Variants in CDK14 observed in about 807,000 individuals in gnomAD.
CDK14 encodes the protein cyclin-dependent kinase 14.
Under a neutral mutation model 60.7 loss-of-function variants are expected in CDK14, and 34 were observed. The ratio of observed to expected loss-of-function variants is 0.56; its 90% CI spans 0.43 to 0.75. CDK14 has a LOEUF of 0.75. CDK14 is among the 30% of genes least tolerant of loss of function. CDK14 has a pLI of 0.00. For synonymous variants in CDK14, 197 were observed against 203.7 expected (o/e 0.97, Z 0.28); for missense variants, 482 against 564.1 (o/e 0.85, Z 1.47).
intron 6 of CDK14, among the ~76,000 whole-genome samples, chr7:90,887,774 A>G (rs1437834335): frequency 1.3e-5 from 2 of 152,202 alleles, no homozygotes; most frequent in African/African-American, 4.8e-5. Flanking sequence ...CACTGGGTCA[A>G]ATTATATGAA....
intron 2 of CDK14, among the ~76,000 whole-genome samples, chr7:90,718,819 T>C (rs1802341713): frequency 2.0e-5 from 3 of 152,160 alleles, no homozygotes; most frequent in South Asian, 2.1e-4. Context: ...ATTTAAGTTA[T>C]AGATGAAGGC....
chr7:90,982,029 C>G (rs1795241397), intron 9 of CDK14, among the ~76,000 whole-genome samples: 2 of 152,162 alleles, frequency 1.3e-5, no homozygotes. Context: ...GCTGTCTGTC[C>G]ATACTATGGA....
chr7:90,957,658 C>A (rs948915239), intron 9 of CDK14, among the ~76,000 whole-genome samples: 3 of 152,042 alleles, frequency 2.0e-5, no homozygotes, highest in Non-Finnish European at 2.9e-5. Flanking sequence ...ATGTGAAGGA[C>A]CTCTTCAAGG....
chr7:90,959,370 A>G (rs1794530640), intron 9 of CDK14, among the ~76,000 whole-genome samples: 1 of 152,150 alleles, frequency 6.6e-6, no homozygotes, highest in Admixed American at 6.6e-5. Flanking sequence ...CTATCTTGTT[A>G]TTATCCTATA....
At chr7:90,805,012 T>C (rs1051125466) in intron 5 of CDK14, among the ~76,000 whole-genome samples, 2 of 152,114 alleles carry the variant, frequency 1.3e-5, no homozygotes, top group African/African-American at 2.4e-5. Context: ...GGTGAGGAAA[T>C]TGAGGCCTAG....
At chr7:91,000,599 C>T (rs1237176367) in intron 10 of CDK14, among the ~76,000 whole-genome samples, 2 of 152,228 alleles carry the variant, frequency 1.3e-5, no homozygotes, top group Non-Finnish European at 2.9e-5. Context: ...ATTCCCTCCA[C>T]ATAACCCAGG....
At chr7:91,028,348 G>A (rs1334062388) in intron 10 of CDK14, among the ~76,000 whole-genome samples, 2 of 152,064 alleles carry the variant, frequency 1.3e-5, no homozygotes, top group Admixed American at 1.3e-4. Context: ...GGTTGATTCT[G>A]TATTTTTCCA....
At chr7:90,791,590 T>C (rs754254563) in intron 5 of CDK14, among the ~76,000 whole-genome samples, 1 of 152,248 alleles carries the variant, frequency 6.6e-6, no homozygotes, top group Admixed American at 6.5e-5. Flanking sequence ...ACTATTGATA[T>C]GATTTACATG....
chr7:90,613,238 T>C (rs1317852965), intron 2 of CDK14, among the ~76,000 whole-genome samples: 4 of 152,180 alleles, frequency 2.6e-5, no homozygotes, highest in African/African-American at 9.7e-5. Flanking sequence ...AATTTGTAAT[T>C]CTCAAAAGGC....
intron 8 of CDK14, among the ~76,000 whole-genome samples, chr7:90,927,417 C>A (rs1793452432): frequency 1.3e-5 from 2 of 152,072 alleles, no homozygotes; most frequent in Admixed American, 1.3e-4. Flanking sequence ...CTCTTATCAC[C>A]CCTGTTACTC....
intron 9 of CDK14, among the ~76,000 whole-genome samples, chr7:90,956,694 A>G (rs977068074): frequency 1.3e-5 from 2 of 152,024 alleles, no homozygotes; most frequent in Non-Finnish European, 2.9e-5. Flanking sequence ...TACGTGTGCC[A>G]TGCTGGTGCG....
rs533931683 is a variant in CDK14, at chr7:91,137,668, G to A, written c.*28+19460G>A. ...CACCAAGATAAGCCCTCACTTATGAGCTCTACTTCTAAAGACTTGTGGGGG... is the reference window on the plus strand; with the variant it reads ...CACCAAGATAAGCCCTCACTTATGAACTCTACTTCTAAAGACTTGTGGGGG... On this transcript the variant is annotated intron_variant, in intron 14 of 14. Transcript: ENST00000380050. Among the ~76,000 whole-genome samples the A allele has an allele frequency of 1.9e-3, 244 of 128,702 alleles. 1 individual carries two copies. The highest frequency in any genetic ancestry group is 6.5e-3 in the African/African-American group (187 of 28,712). 84.4% of individuals were successfully genotyped at this position (128,702 alleles called of 152,430 possible). A position where few individuals can be genotyped will look rare whatever the true frequency, so the allele number is the denominator to read the frequency against.
At chr7:91,071,514 C>T (rs766382395) in intron 11 of CDK14, among the ~76,000 whole-genome samples, 3 of 152,214 alleles carry the variant, frequency 2.0e-5, no homozygotes, top group East Asian at 1.9e-4. Flanking sequence ...GCTTTTTCCA[C>T]GGAACTGTGC....
At chr7:90,972,705 T>C (rs1020766719) in intron 9 of CDK14, among the ~76,000 whole-genome samples, 1 of 152,244 alleles carries the variant, frequency 6.6e-6, no homozygotes, top group African/African-American at 2.4e-5. Context: ...TTGCATTTAA[T>C]CTAACTTATT....
intron 13 of CDK14, among the ~76,000 whole-genome samples, chr7:91,114,573 G>A (rs754787492): frequency 5.3e-5 from 8 of 152,124 alleles, no homozygotes; most frequent in South Asian, 2.1e-4. Context: ...ACCGTAAGGC[G>A]ATATTCATTG....
At chr7:90,631,191 A>G (rs1400524900) in intron 2 of CDK14, among the ~76,000 whole-genome samples, 1 of 152,152 alleles carries the variant, frequency 6.6e-6, no homozygotes, top group African/African-American at 2.4e-5. Context: ...GGTGATCTAC[A>G]TTATCACTGA....
intron 6 of CDK14, among the ~76,000 whole-genome samples, chr7:90,887,642 T>A (rs1422077420): frequency 6.6e-6 from 1 of 152,208 alleles, no homozygotes; most frequent in Non-Finnish European, 1.5e-5. Flanking sequence ...CCATAAGTAA[T>A]CAGATATTCA....
At chr7:90,798,404 A>G (rs150126956) in intron 5 of CDK14, among the ~76,000 whole-genome samples, 1 of 152,214 alleles carries the variant, frequency 6.6e-6, no homozygotes, top group Non-Finnish European at 1.5e-5. Context: ...CTGTGTATCT[A>G]ATGGTAGAAT....
chr7:90,611,838 T>TTC (rs1799544721), intron 2 of CDK14, among the ~76,000 whole-genome samples: 1 of 149,784 alleles, frequency 6.7e-6, no homozygotes, highest in South Asian at 2.1e-4. Context: ...TGTGTTTTTT[T>TTC]TTTTTTTTTT....
Sources: allele counts gnomAD v4.1 joint callset (sites outside exome capture counted in the v4.1 genomes callset), GRCh38; gene constraint gnomAD v4.1.1; transcripts MANE v1.5; gene names NCBI Gene and HGNC (gene_info 2026-07-23, HGNC 2026-07-21).